BRINP1: variants seen among roughly 807,000 people sequenced by gnomAD.
BRINP1 encodes BMP/retinoic acid-inducible neural-specific protein 1.
Under a neutral mutation model 72.9 loss-of-function variants are expected in BRINP1, and 17 were observed. The ratio of observed to expected loss-of-function variants is 0.23; its 90% CI spans 0.16 to 0.35. The LOEUF (loss-of-function observed/expected upper bound fraction) is 0.35, where lower values mean the gene tolerates loss of function less well. BRINP1 is among the 10% of genes least tolerant of loss of function. The pLI is 1.00. For synonymous variants in BRINP1, 418 were observed against 378.5 expected (o/e 1.10, Z -1.21); for missense variants, 850 against 1,001.6 (o/e 0.85, Z 2.04).
chr9:119,327,832 C>A (rs1013367908), intron 1 of BRINP1, among the ~76,000 whole-genome samples: 7 of 152,088 alleles, frequency 4.6e-5, no homozygotes, highest in African/African-American at 1.7e-4. Flanking sequence ...ATGACAAGTT[C>A]CCTCTTGGAT....
At chr9:119,323,383 T>A (rs1162467366) in intron 1 of BRINP1, among the ~76,000 whole-genome samples, 7 of 152,194 alleles carry the variant, frequency 4.6e-5, no homozygotes, top group Non-Finnish European at 4.4e-5. Flanking sequence ...AAAAGGAATG[T>A]GTCCCCTCCA....
intron 2 of BRINP1, among the ~76,000 whole-genome samples, chr9:119,265,560 G>A (rs1208326036): frequency 6.6e-6 from 1 of 152,120 alleles, no homozygotes; most frequent in Non-Finnish European, 1.5e-5. Context: ...TCACGCCATT[G>A]CACTCCAGCC....
intron 5 of BRINP1, among the ~76,000 whole-genome samples, chr9:119,231,935 T>C (rs1368341515): frequency 6.6e-6 from 1 of 152,144 alleles, no homozygotes; most frequent in Non-Finnish European, 1.5e-5. Flanking sequence ...ATAGTATTTA[T>C]ATCCTAATTT....
chr9:119,195,705 G>A (rs1022362493), intron 7 of BRINP1, among the ~76,000 whole-genome samples: 1 of 152,136 alleles, frequency 6.6e-6, no homozygotes, highest in African/African-American at 2.4e-5. Flanking sequence ...CTCTCAGCAG[G>A]GGTGGTACCT....
chr9:119,358,385 A>AT (rs1831592652), intron 1 of BRINP1, among the ~76,000 whole-genome samples: 1 of 99,466 alleles, frequency 1.0e-5, no homozygotes, highest in Non-Finnish European at 2.0e-5. Context: ...GTTTATATGT[A>AT]TTAAAAAAAA....
intron 7 of BRINP1, among the ~76,000 whole-genome samples, chr9:119,191,574 T>G (rs1829684448): frequency 6.6e-6 from 1 of 151,836 alleles, no homozygotes; most frequent in Non-Finnish European, 1.5e-5. Context: ...AGTTAAAGAC[T>G]TGTGCACTGA....
intron 2 of BRINP1, among the ~76,000 whole-genome samples, chr9:119,260,756 G>C (rs965368083): frequency 2.0e-5 from 3 of 152,184 alleles, no homozygotes; most frequent in African/African-American, 7.2e-5. Flanking sequence ...AACGTTTTAA[G>C]TGGAATTTAT....
chr9:119,189,519 T>C (rs1390926810), intron 7 of BRINP1, among the ~76,000 whole-genome samples: 7 of 152,118 alleles, frequency 4.6e-5, no homozygotes, highest in Non-Finnish European at 1.0e-4. Flanking sequence ...GGGGTTGCTA[T>C]GCTTACATTA....
intron 1 of BRINP1, among the ~76,000 whole-genome samples, chr9:119,318,664 C>T (rs542882032): frequency 5.1e-4 from 77 of 152,272 alleles, no homozygotes; most frequent in African/African-American, 1.8e-3. Flanking sequence ...TGATACAACA[C>T]ACTGAAGTCA....
At chr9:119,348,426 T>C (rs1168739318) in intron 1 of BRINP1, among the ~76,000 whole-genome samples, 1 of 152,220 alleles carries the variant, frequency 6.6e-6, no homozygotes, top group African/African-American at 2.4e-5. Flanking sequence ...AACATCTGTG[T>C]GCAGGTATTT....
chr9:119,352,498 A>G lies in BRINP1; in HGVS notation c.-51+16558T>C, dbSNP rs979017945. 3.3e-5 allele frequency among the ~76,000 whole-genome samples: 5 copies of G among 152,168 alleles called. No individual in the cohort carries two copies. In the East Asian group the frequency reaches 9.7e-4, roughly 30 times the overall value. ...ACCCAGGCTGGAGTGCAGTGGTGCG[A>G]TCTCAGCTCACTGAACCTCCTGCCT... On this transcript the variant is annotated intron_variant, in intron 1 of 7. Transcript: ENST00000265922.
chr9:119,180,932 A>G (rs559136958), intron 7 of BRINP1, among the ~76,000 whole-genome samples: 13 of 152,310 alleles, frequency 8.5e-5, no homozygotes, highest in African/African-American at 1.9e-4. Context: ...AAGAGCATCA[A>G]TGTAAAAAAT....
intron 3 of BRINP1, 41 bp downstream of exon 3, chr9:119,248,919 A>G (rs372210585): frequency 6.4e-7 from 1 of 1,568,380 alleles, no homozygotes; most frequent in African/African-American, 1.4e-5. Flanking sequence ...TCCCAAACCC[A>G]AAGTCATGAG....
chr9:119,278,421 C>A (rs943907892), intron 2 of BRINP1, among the ~76,000 whole-genome samples: 9 of 152,186 alleles, frequency 5.9e-5, no homozygotes, highest in Admixed American at 5.2e-4. Context: ...TTTTTCTGGC[C>A]TCATATAGAG....
intron 2 of BRINP1, among the ~76,000 whole-genome samples, chr9:119,277,793 G>A (rs1020368198): frequency 1.3e-5 from 2 of 152,080 alleles, no homozygotes; most frequent in African/African-American, 4.8e-5. Flanking sequence ...AATCTCTCCA[G>A]GCAGTAAGTA....
At chr9:119,364,535 T>C (rs535790119) in intron 1 of BRINP1, among the ~76,000 whole-genome samples, 1 of 152,346 alleles carries the variant, frequency 6.6e-6, no homozygotes, top group African/African-American at 2.4e-5. Context: ...AACTCCCAGC[T>C]ATTCCTAGCA....
In BRINP1 at chr9:119,368,929, A is replaced by C. The variant is rs1486165333; in HGVS notation, c.-51+127T>G. On this transcript the variant is annotated intron_variant, in intron 1 of 7. Transcript: ENST00000265922. This position sits in a 1 kb window ranked among gnomAD's most constrained non-coding sequence, Gnocchi z 4.7. Reference sequence around the variant, plus strand: ...AAGACTTGGAGGCGGCGGGGCGGCCAGGTGAAGAGCGGACAAGGGTGCCGG... The same window carrying C: ...AAGACTTGGAGGCGGCGGGGCGGCCCGGTGAAGAGCGGACAAGGGTGCCGG... 1 of 374,018 alleles carries C rather than the reference A, an allele frequency of 2.7e-6. No homozygotes were observed. The highest frequency in any genetic ancestry group is 4.7e-6 in the Non-Finnish European group (1 of 210,610). The allele number at this position is 374,018 out of a possible 1,614,324, so 23.2% of individuals were successfully genotyped here. A position where few individuals can be genotyped will look rare whatever the true frequency, so the allele number is the denominator to read the frequency against.
chr9:119,354,960 A>C (rs761506538), intron 1 of BRINP1, among the ~76,000 whole-genome samples: 6 of 152,222 alleles, frequency 3.9e-5, no homozygotes, highest in Non-Finnish European at 8.8e-5. Context: ...CAGAGAAAAA[A>C]ACTAAGTCTA....
intron 7 of BRINP1, among the ~76,000 whole-genome samples, chr9:119,204,761 G>A (rs1829836283): frequency 6.6e-6 from 1 of 152,200 alleles, no homozygotes; most frequent in African/African-American, 2.4e-5. Flanking sequence ...CTGAAGGCAA[G>A]TGTTATTATC....
Sources: allele counts gnomAD v4.1 joint callset (sites outside exome capture counted in the v4.1 genomes callset), GRCh38; gene constraint gnomAD v4.1.1; non-coding constraint Gnocchi (gnomAD v3.1); transcripts MANE v1.5; gene names NCBI Gene and HGNC (gene_info 2026-07-23, HGNC 2026-07-21).